The following PPFIA2 variants were observed in gnomAD, a reference collection of about 807,000 sequenced individuals.
PPFIA2 encodes the protein liprin-alpha-2.
A neutral mutation model predicts 175.5 loss-of-function variants in PPFIA2; 46 were observed. The ratio of observed to expected loss-of-function variants is 0.26; its 90% CI spans 0.21 to 0.34. The LOEUF (loss-of-function observed/expected upper bound fraction) is 0.34. PPFIA2 is among the 10% of genes least tolerant of loss of function. The probability of loss-of-function intolerance (pLI) is 1.00; values close to 1 mark genes in which losing one functional copy is unlikely to be tolerated. For synonymous variants in PPFIA2, 568 were observed against 511.4 expected, an observed-to-expected ratio of 1.11 and a Z score of -1.49; for missense variants, 1,179 against 1,506.1, an observed-to-expected ratio of 0.78 and a Z score of 3.60.
chr12:81,311,161 A>G lies in PPFIA2; in HGVS notation c.2643-11779T>C, dbSNP rs142009765. Among the ~76,000 whole-genome samples, 488 of 152,310 alleles carry G rather than the reference A, an allele frequency of 3.2e-3. 2 individuals carry two copies. The highest frequency in any genetic ancestry group is 0.011 in the African/African-American group (471 of 41,574). On this transcript the variant is annotated intron_variant, in intron 22 of 32. Transcript: ENST00000549396. ...TTTACTTTGAAGTCAAATTTCTGTT[A>G]GGAATAGATAAATACTCTAATTTTA...
intron 4 of PPFIA2, among the ~76,000 whole-genome samples, chr12:81,538,499 G>C (rs2065734032): frequency 6.6e-6 from 1 of 151,824 alleles, no homozygotes; most frequent in African/African-American, 2.4e-5. Flanking sequence ...AAATATAATA[G>C]AGGATGTTCG....
At chr12:81,438,620 T>A (rs1034339185) in intron 7 of PPFIA2, among the ~76,000 whole-genome samples, 3 of 152,210 alleles carry the variant, frequency 2.0e-5, no homozygotes, top group Non-Finnish European at 4.4e-5. Flanking sequence ...TTATAAGACT[T>A]ATCTTTACTG....
intron 4 of PPFIA2, among the ~76,000 whole-genome samples, chr12:81,494,999 A>G (rs962103323): frequency 6.6e-6 from 1 of 150,966 alleles, no homozygotes; most frequent in Non-Finnish European, 1.5e-5. Flanking sequence ...ATGCTAAATG[A>G]TGAGTTATGG....
intron 4 of PPFIA2, chr12:81,535,525 CA>C (rs2065247444): frequency 8.9e-6 from 4 of 451,724 alleles, no homozygotes; most frequent in Non-Finnish European, 1.8e-5. Flanking sequence ...AAATGAAGAA[CA>C]TCTAACTCAA....
In PPFIA2 at chr12:81,261,987, A is replaced by G; in HGVS notation, c.3769T>C (p.Cys1257Arg). Residue 1257 changes from cysteine (C) to arginine (R), a missense_variant, in exon 32 of 33, where the codon TGT (cysteine) becomes CGT (arginine). Physicochemically the swap from Cys to Arg is radical, Grantham distance 180. Around this residue, in one of 10 missense-constraint regions of PPFIA2, gnomAD observed 245 missense variants for 375.1 expected, o/e 0.65. Transcript: ENST00000549396. ...LDNSTVRTYS[C>R] ...TGCCTCCTTTGAGTGGCTGGTCAAC[A>G]TGAGTATGTGCGAACAGTGGAGTTG... is the stretch of plus-strand genomic sequence containing the variant. The G allele has an allele frequency of 6.2e-7, 1 of 1,605,254 alleles. No homozygotes were observed. Among genetic ancestry groups the G allele is most frequent in the Non-Finnish European group, 8.5e-7 (1 of 1,176,112 alleles).
chr12:81,424,083 G>A (rs200229596), intron 7 of PPFIA2, among the ~76,000 whole-genome samples: 1 of 151,736 alleles, frequency 6.6e-6, no homozygotes, highest in African/African-American at 2.4e-5. Flanking sequence ...TGCATTCTAG[G>A]GAAACCCCAT....
intron 3 of PPFIA2, among the ~76,000 whole-genome samples, chr12:81,688,268 C>T (rs1195335148): frequency 1.3e-5 from 2 of 151,808 alleles, no homozygotes; most frequent in Non-Finnish European, 2.9e-5. Context: ...TTTGATATCA[C>T]AGGTTTATAT....
intron 4 of PPFIA2, among the ~76,000 whole-genome samples, chr12:81,488,357 G>GTTTTCAAGGAT (rs2059069575): frequency 6.6e-6 from 1 of 151,554 alleles, no homozygotes; most frequent in Non-Finnish European, 1.5e-5. Flanking sequence ...TTTTTGGGAG[G>GTTTTCAAGGAT]TTTTCAAGGA....
chr12:81,693,184 G>A (rs973460782), intron 3 of PPFIA2, among the ~76,000 whole-genome samples: 22 of 152,078 alleles, frequency 1.4e-4, no homozygotes, highest in African/African-American at 5.3e-4. Context: ...GTGTATAAGA[G>A]ATAATATGAT....
intron 22 of PPFIA2, among the ~76,000 whole-genome samples, chr12:81,324,792 A>T (rs528573119): frequency 6.6e-6 from 1 of 152,124 alleles, no homozygotes; most frequent in Admixed American, 6.6e-5. Context: ...TTTCTGGACA[A>T]TATTCCTACT....
chr12:81,655,815 T>C (rs2067701070), intron 4 of PPFIA2, among the ~76,000 whole-genome samples: 1 of 152,030 alleles, frequency 6.6e-6, no homozygotes, highest in South Asian at 2.1e-4. Flanking sequence ...TTATTATCTT[T>C]ACAGACTTTA....
At chr12:81,392,331 T>C (rs2040284088) in intron 8 of PPFIA2, among the ~76,000 whole-genome samples, 1 of 151,856 alleles carries the variant, frequency 6.6e-6, no homozygotes, top group African/African-American at 2.4e-5. Context: ...TGGGGCAAAA[T>C]CCTGGACTGG....
chr12:81,418,199 T>A (rs1335789018), intron 7 of PPFIA2, among the ~76,000 whole-genome samples: 2 of 151,880 alleles, frequency 1.3e-5, no homozygotes, highest in East Asian at 3.9e-4. Flanking sequence ...GTGGGCGTTA[T>A]AGCTCCTCTT....
At chr12:81,287,248 C>T (rs1387599928) in intron 24 of PPFIA2, among the ~76,000 whole-genome samples, 2 of 151,840 alleles carry the variant, frequency 1.3e-5, no homozygotes, top group South Asian at 2.1e-4. Flanking sequence ...TGCTTTGAAT[C>T]GTAATCCAAA....
chr12:81,678,651 CAA>C (rs1440313463), intron 3 of PPFIA2, among the ~76,000 whole-genome samples: 1 of 151,794 alleles, frequency 6.6e-6, no homozygotes, highest in East Asian at 1.9e-4. Flanking sequence ...ATTCTAGCTA[CAA>C]AAGAGGCTAA....
intron 7 of PPFIA2, among the ~76,000 whole-genome samples, chr12:81,420,661 A>T (rs950855723): frequency 6.6e-6 from 1 of 152,162 alleles, no homozygotes; most frequent in East Asian, 1.9e-4. Context: ...AAAGCCTATC[A>T]TATCTATGGA....
intron 3 of PPFIA2, among the ~76,000 whole-genome samples, chr12:81,685,694 A>G (rs2074338854): frequency 6.6e-6 from 1 of 152,066 alleles, no homozygotes; most frequent in Admixed American, 6.6e-5. Flanking sequence ...AAGAATTTTG[A>G]GAAATGTGGT....
intron 4 of PPFIA2, among the ~76,000 whole-genome samples, chr12:81,590,774 GC>G (rs1222815826): frequency 2.0e-5 from 3 of 152,184 alleles, no homozygotes; most frequent in Middle Eastern, 6.8e-3. Context: ...CCTTGCCTCC[GC>G]CATGACTGTA....
chr12:81,740,722 T>C (rs1034366699), intron 3 of PPFIA2, among the ~76,000 whole-genome samples: 2 of 152,176 alleles, frequency 1.3e-5, no homozygotes, highest in South Asian at 2.1e-4. Context: ...AATTAGACTA[T>C]AAATTTTAGC....
Sources: gnomAD v4.1 joint callset for allele counts (sites outside exome capture counted in the v4.1 genomes callset) on GRCh38, gnomAD v4.1.1 for gene constraint, gnomAD v4.1.1 regional missense constraint, MANE v1.5 for transcripts, NCBI Gene and HGNC (gene_info 2026-07-23, HGNC 2026-07-21) for gene names.